Variants in IL1RAPL1 observed in about 807,000 individuals in gnomAD.
The protein encoded by IL1RAPL1 is interleukin 1 receptor accessory protein like 1.
Under a neutral mutation model 48.4 loss-of-function variants are expected in IL1RAPL1, and 3 were observed. That is an observed-to-expected ratio of 0.06 (90% CI 0.03 to 0.16). The LOEUF is 0.16. Among genes scored for constraint, IL1RAPL1 ranks in the 10% least tolerant of loss-of-function variants. The pLI, the probability that IL1RAPL1 is intolerant of heterozygous loss-of-function variation, is 1.00. For missense variants in IL1RAPL1, 349 were observed against 530.6 expected (o/e 0.66, Z 3.36); for synonymous variants, 185 against 187.7 (o/e 0.99, Z 0.12).
intron 2 of IL1RAPL1, among the ~76,000 whole-genome samples, chrX:29,240,388 C>T (rs1436835553): frequency 9.5e-6 from 1 of 105,535 alleles, no homozygotes; most frequent in East Asian, 3.0e-4. Flanking sequence ...GCGCACGCCA[C>T]CTCACCCGGC....
rs768029008 is a variant in IL1RAPL1 at position 29,621,828 on chromosome X, A to G, written c.704-46602A>G. The stretch of plus-strand genomic sequence containing the variant: ...TGAAATATACAGTAGATTATTGTAA[A>G]CTGTAGTCACCCTACTGATCTATCA... On this transcript the variant is annotated intron_variant, in intron 5 of 10. Transcript: ENST00000378993. Among the ~76,000 whole-genome samples the G allele has an allele frequency of 2.1e-3, 231 of 111,970 alleles. 1 individual carries two copies. Among genetic ancestry groups the G allele is most frequent in the Non-Finnish European group, 3.3e-3 (177 of 53,143 alleles).
intron 1 of IL1RAPL1, among the ~76,000 whole-genome samples, chrX:28,607,395 T>C (rs779356929): frequency 9.0e-6 from 1 of 111,512 alleles, no homozygotes; most frequent in African/African-American, 3.3e-5. Flanking sequence ...TGAATAAATA[T>C]ATTGCCATTT....
chrX:29,138,708 C>T (rs751230010), intron 2 of IL1RAPL1, among the ~76,000 whole-genome samples: 7 of 102,525 alleles, frequency 6.8e-5, no homozygotes, highest in Admixed American at 3.2e-4. Flanking sequence ...ACCCGGGAGG[C>T]GGAGCTTGCA....
At chrX:29,293,437 T>A (rs1467393495) in intron 3 of IL1RAPL1, among the ~76,000 whole-genome samples, 2 of 111,345 alleles carry the variant, frequency 1.8e-5, no homozygotes, top group African/African-American at 6.5e-5. Flanking sequence ...AATTGTGTCA[T>A]GTTCAAGGCA....
intron 5 of IL1RAPL1, among the ~76,000 whole-genome samples, chrX:29,569,875 A>G (rs188518456): frequency 1.0e-3 from 114 of 112,018 alleles, no homozygotes; most frequent in Admixed American, 7.7e-3. Flanking sequence ...TTTTGTAGCC[A>G]GGTAGTGTTA....
chrX:28,762,707 A>T (rs1217123925), intron 1 of IL1RAPL1, among the ~76,000 whole-genome samples: 1 of 108,979 alleles, frequency 9.2e-6, no homozygotes, highest in Non-Finnish European at 1.9e-5. Flanking sequence ...TAGTATGTCA[A>T]TCAGGTCTCT....
chrX:28,971,912 G>GTGTATGTA (rs750716257), intron 2 of IL1RAPL1, among the ~76,000 whole-genome samples: 1 of 108,780 alleles, frequency 9.2e-6, no homozygotes, highest in African/African-American at 3.4e-5. Context: ...GTGTGTGTGT[G>GTGTATGTA]TGTGTATTTC....
chrX:29,910,395 AT>A (rs1449250728), intron 6 of IL1RAPL1, among the ~76,000 whole-genome samples: 2 of 111,292 alleles, frequency 1.8e-5, no homozygotes, highest in Admixed American at 9.6e-5. Context: ...AAAAAAAAAA[AT>A]AATGCTTGTA....
At chrX:29,091,845 T>C (rs753094194) in intron 2 of IL1RAPL1, among the ~76,000 whole-genome samples, 3 of 111,608 alleles carry the variant, frequency 2.7e-5, no homozygotes, top group Non-Finnish European at 5.7e-5. Context: ...CAAAAACTTT[T>C]TGTTTTTAAA....
chrX:28,643,302 G>A (rs765215326), intron 1 of IL1RAPL1, among the ~76,000 whole-genome samples: 7 of 111,239 alleles, frequency 6.3e-5, no homozygotes, highest in Non-Finnish European at 1.3e-4. Context: ...CCATAGTACT[G>A]CTTGAGCATG....
intron 6 of IL1RAPL1, among the ~76,000 whole-genome samples, chrX:29,874,846 C>G (rs1056778059): frequency 8.9e-6 from 1 of 112,200 alleles, no homozygotes; most frequent in African/African-American, 3.2e-5. Context: ...CTTCTGGATA[C>G]AAATTTCCAC....
At chrX:29,664,500 T>C (rs1050666470) in intron 5 of IL1RAPL1, among the ~76,000 whole-genome samples, 7 of 111,155 alleles carry the variant, frequency 6.3e-5, no homozygotes, top group South Asian at 3.8e-4. Flanking sequence ...AGGATAAGTA[T>C]AGATATCCAA....
intron 2 of IL1RAPL1, among the ~76,000 whole-genome samples, chrX:29,080,994 T>TTCTTTCTCTCTCTCTCTC (rs1569232789): frequency 7.6e-5 from 2 of 26,441 alleles, no homozygotes; most frequent in Admixed American, 5.5e-4. Context: ...CTTTCTTTCT[T>TTCTTTCTCTCTCTCTCTC]TCTCTCTCTC....
chrX:29,950,273 A>C, intron 9 of IL1RAPL1, among the ~76,000 whole-genome samples: 1 of 112,452 alleles, frequency 8.9e-6, no homozygotes, highest in Non-Finnish European at 1.9e-5. Context: ...GTCTAGGCAA[A>C]AATTTATCCC....
chrX:28,690,081 T>C (rs192678172), intron 1 of IL1RAPL1, among the ~76,000 whole-genome samples: 32 of 111,235 alleles, frequency 2.9e-4, no homozygotes, highest in Admixed American at 8.7e-4. Flanking sequence ...GTTTTGGCCA[T>C]TGGGAGGTAC....
chrX:29,195,219 T>C (rs980003032), intron 2 of IL1RAPL1, among the ~76,000 whole-genome samples: 5 of 111,912 alleles, frequency 4.5e-5, no homozygotes, highest in Non-Finnish European at 7.5e-5. Flanking sequence ...AGAGATATAG[T>C]GAAGAATGAG....
At chrX:29,365,466 C>A (rs1230992765) in intron 3 of IL1RAPL1, among the ~76,000 whole-genome samples, 1 of 112,231 alleles carries the variant, frequency 8.9e-6, no homozygotes, top group East Asian at 2.8e-4. Flanking sequence ...GAAGCCAAGG[C>A]GGGTGGATCA....
chrX:28,743,630 A>G (rs1489997843), intron 1 of IL1RAPL1, among the ~76,000 whole-genome samples: 1 of 111,302 alleles, frequency 9.0e-6, no homozygotes, highest in Non-Finnish European at 1.9e-5. Flanking sequence ...ATCGTCATCC[A>G]TGGGATAAGT....
intron 6 of IL1RAPL1, among the ~76,000 whole-genome samples, chrX:29,761,614 G>A (rs1268222182): frequency 1.8e-5 from 2 of 112,029 alleles, no homozygotes. Context: ...AATCTTTAGT[G>A]TGAGTATTTA....
Sources: gnomAD v4.1 joint callset for allele counts (sites outside exome capture counted in the v4.1 genomes callset) on GRCh38, gnomAD v4.1.1 for gene constraint, MANE v1.5 for transcripts, NCBI Gene and HGNC (gene_info 2026-07-23, HGNC 2026-07-21) for gene names.